LSP1: variants seen among roughly 807,000 people sequenced by gnomAD.
LSP1 encodes the protein lymphocyte specific protein 1, also known as lymphocyte-specific protein 1.
In LSP1, 32 loss-of-function variants were observed where a neutral mutation model predicts 49.3. The observed-to-expected ratio is 0.65, with a 90% CI of 0.49 to 0.87. The LOEUF (loss-of-function observed/expected upper bound fraction) is 0.87, where lower values mean the gene tolerates loss of function less well. LSP1 is among the 40% of genes least tolerant of loss of function. The pLI is 0.00. For missense variants in LSP1, 428 were observed against 442.6 expected (o/e 0.97, Z 0.30); for synonymous variants, 179 against 178.8 (o/e 1.00, Z -0.01).
chr11:1,856,973 G>T (rs1847505079), intron 1 of LSP1, among the ~76,000 whole-genome samples: 1 of 152,204 alleles, frequency 6.6e-6, no homozygotes, highest in South Asian at 2.1e-4. Flanking sequence ...AGGATTGAGG[G>T]CTAAGCCCTG....
intron 1 of LSP1, chr11:1,876,377 C>A: frequency 1.1e-6 from 1 of 910,704 alleles, no homozygotes; most frequent in Non-Finnish European, 1.3e-6. Context: ...CCCCAGGCCT[C>A]CTGCCAGCTC....
chr11:1,866,903 C>A, intron 1 of LSP1: 1 of 1,515,200 alleles, frequency 6.6e-7, no homozygotes. Context: ...GCACCAACTG[C>A]AGCCCCAGGT....
chr11:1,883,203 G>A (rs1276465303), intron 3 of LSP1, among the ~76,000 whole-genome samples: 4 of 152,258 alleles, frequency 2.6e-5, no homozygotes, highest in African/African-American at 9.6e-5. Flanking sequence ...TTCCCCAGGG[G>A]CCTCAGGCCC....
chr11:1,855,826 C>T (rs908744376), intron 1 of LSP1, among the ~76,000 whole-genome samples: 1 of 152,192 alleles, frequency 6.6e-6, no homozygotes, highest in Non-Finnish European at 1.5e-5. Context: ...CTGGGGGATG[C>T]CTGCCCTCTA....
chr11:1,874,862 C>G (rs1159100900), intron 1 of LSP1, among the ~76,000 whole-genome samples: 1 of 152,084 alleles, frequency 6.6e-6, no homozygotes, highest in Non-Finnish European at 1.5e-5. Context: ...CCCGGCAGGG[C>G]CCCCCTTGGT....
In LSP1 at chr11:1,864,256, C is replaced by T. The variant is rs1047926535; in HGVS notation, c.53+11059C>T. 111 of 987,288 alleles carry T rather than the reference C, an allele frequency of 1.1e-4. No homozygotes were observed. In the South Asian group the frequency reaches 1.8e-3, roughly 16 times the overall value. 61.2% of individuals were successfully genotyped at this position (987,288 alleles called of 1,614,324 possible). A position where few individuals can be genotyped will look rare whatever the true frequency, so the allele number is the denominator to read the frequency against. On this transcript the variant is annotated intron_variant, in intron 1 of 10. Transcript: ENST00000311604. The stretch of plus-strand genomic sequence containing the variant: ...GATGGTGAGGGAGGTGGCAGGTTGA[C>T]GAGGGGCTGGACAAGAACGGCCGAC...
intron 1 of LSP1, among the ~76,000 whole-genome samples, chr11:1,871,716 G>T (rs115259312): frequency 0.038 from 5,806 of 152,124 alleles, 125 homozygotes; most frequent in African/African-American, 0.05. Context: ...CTGTCCGGCT[G>T]GCGTGGGCAC....
At chr11:1,867,920 C>G (rs1349295447) in intron 1 of LSP1, among the ~76,000 whole-genome samples, 1 of 150,580 alleles carries the variant, frequency 6.6e-6, no homozygotes, top group Non-Finnish European at 1.5e-5. Flanking sequence ...TTCTCCAGGT[C>G]TGGCTGTACC....
intron 1 of LSP1, chr11:1,863,411 C>T (rs958202231): frequency 2.0e-5 from 3 of 152,272 alleles, no homozygotes; most frequent in Admixed American, 6.5e-5. Context: ...CAGATGGTGG[C>T]CCAGGACTAA....
chr11:1,860,531 T>C (rs1295927236), intron 1 of LSP1, among the ~76,000 whole-genome samples: 1 of 152,122 alleles, frequency 6.6e-6, no homozygotes, highest in Admixed American at 6.5e-5. Context: ...CAGAAGAACA[T>C]CTGTATGTAT....
rs549015714 is a variant in LSP1, at chr11:1,856,783, G to T, written c.53+3586G>T. Among the ~76,000 whole-genome samples, 16 of 152,340 alleles carry T rather than the reference G, an allele frequency of 1.1e-4. No homozygotes were observed. The South Asian group carries it at 3.3e-3, about 32-fold the overall frequency. ...CCTTGGGCAGCCCTCCCGCCCACCT[G>T]CCCTCCGAGCCAAGGCCAGGCACCA... On this transcript the variant is annotated intron_variant, in intron 1 of 10. Transcript: ENST00000311604.
chr11:1,866,838 G>C, intron 1 of LSP1: 1 of 1,548,744 alleles, frequency 6.5e-7, no homozygotes, highest in Non-Finnish European at 8.7e-7. Flanking sequence ...GCTGTGCGGT[G>C]GCTCACCCCC....
chr11:1,859,217 A>C (rs895282432), intron 1 of LSP1, among the ~76,000 whole-genome samples: 1 of 152,278 alleles, frequency 6.6e-6, no homozygotes, highest in Admixed American at 6.5e-5. Context: ...CCACACGCTC[A>C]GGGAGAGTGG....
chr11:1,885,861 G>T (rs1452374319), intron 7 of LSP1, among the ~76,000 whole-genome samples: 2 of 150,846 alleles, frequency 1.3e-5, no homozygotes, highest in African/African-American at 2.4e-5. Flanking sequence ...TTCTAGTCAA[G>T]CAATACTTCT....
At chr11:1,878,225 G>T (rs1300145671) in intron 1 of LSP1, among the ~76,000 whole-genome samples, 2 of 151,946 alleles carry the variant, frequency 1.3e-5, no homozygotes, top group South Asian at 2.1e-4. Flanking sequence ...TCAACACTCT[G>T]CCCCAGCCTG....
rs777705486 is a variant in LSP1 at position 1,881,398 on chromosome 11, C to T, written c.192-34C>T. 6.5e-6 allele frequency: 10 copies of T among 1,528,322 alleles called. No individual in the cohort carries two copies. In the Admixed American group the frequency reaches 8.4e-5, roughly 13 times the overall value. 94.7% of individuals were successfully genotyped at this position (1,528,322 alleles called of 1,614,324 possible). ...GGCCCTGGGCAGAGGAGGCAGCAGC[C>T]GCCCAGGCCTAAGCTCCCCCCTGCT... On this transcript the variant is annotated intron_variant, in intron 2 of 10. Transcript: ENST00000311604.
At position 1,891,842 on chromosome 11, in the gene LSP1, C is replaced by G. The variant is rs535547024; in HGVS notation, c.*83C>G. 6.6e-6 allele frequency: 1 copy of G among 152,530 alleles called. No individual in the cohort carries two copies. The highest frequency in any genetic ancestry group is 1.5e-5 in the Non-Finnish European group (1 of 68,256). 9.4% of individuals were successfully genotyped at this position (152,530 alleles called of 1,614,324 possible). A position where few individuals can be genotyped will look rare whatever the true frequency, so the allele number is the denominator to read the frequency against. ...CCAGGGGAGATTCCAGCCAGACACCCGCCCCCCGGCCCTGGCTAAGAAGTT... is the reference window on the plus strand; with the variant it reads ...CCAGGGGAGATTCCAGCCAGACACCGGCCCCCCGGCCCTGGCTAAGAAGTT... On this transcript the variant is annotated 3_prime_UTR_variant, in exon 11 of 11. Coordinates refer to ENST00000311604, the MANE Select transcript of LSP1 (RefSeq NM_002339.3).
At chr11:1,882,421 G>A (rs572561134) in intron 3 of LSP1, among the ~76,000 whole-genome samples, 5 of 152,284 alleles carry the variant, frequency 3.3e-5, no homozygotes, top group African/African-American at 1.2e-4. Context: ...GCTGAGCGAC[G>A]CTCCCTTGTC....
chr11:1,877,244 A>G (rs1848350347), intron 1 of LSP1, among the ~76,000 whole-genome samples: 1 of 151,760 alleles, frequency 6.6e-6, no homozygotes, highest in African/African-American at 2.4e-5. Flanking sequence ...TGGAATAGTG[A>G]GGGGGTGAGG....
Sources: gnomAD v4.1 joint callset for allele counts (sites outside exome capture counted in the v4.1 genomes callset) on GRCh38, gnomAD v4.1.1 for gene constraint, MANE v1.5 for transcripts, NCBI Gene and HGNC (gene_info 2026-07-23, HGNC 2026-07-21) for gene names.